The following ENPEP variants were observed in gnomAD, a reference collection of about 807,000 sequenced individuals.
ENPEP encodes glutamyl aminopeptidase, also known as AP-A.
A neutral mutation model predicts 114.5 loss-of-function variants in ENPEP; 103 were observed. The observed-to-expected ratio is 0.90, with a 90% confidence interval of 0.77 to 1.06. ENPEP has a LOEUF of 1.06. ENPEP is among the 50% of genes least tolerant of loss of function. The pLI, the probability that ENPEP is intolerant of heterozygous loss-of-function variation, is 0.00. For missense variants in ENPEP, 1,196 were observed against 1,161.3 expected (o/e 1.03, Z -0.43); for synonymous variants, 420 against 422.0 (o/e 1.00, Z 0.06).
chr4:110,559,628 A>T lies in ENPEP; in HGVS notation c.2643-19A>T. 1 of 1,557,486 alleles carries T rather than the reference A, an allele frequency of 6.4e-7. No homozygotes were observed. The highest frequency in any genetic ancestry group is 8.8e-7 in the Non-Finnish European group (1 of 1,130,214). On this transcript the variant is annotated intron_variant, in intron 18 of 19. Coordinates refer to ENST00000265162, the MANE Select transcript of ENPEP (RefSeq NM_001977.4). ...ATTCTGAGCACTTACACTTCCTTTT[A>T]CTCTAAATTTCTCTCCAGATATACA... is the stretch of plus-strand genomic sequence containing the variant.
intron 3 of ENPEP, among the ~76,000 whole-genome samples, chr4:110,499,171 A>G (rs1725059775): frequency 6.6e-6 from 1 of 152,248 alleles, no homozygotes; most frequent in South Asian, 2.1e-4. Flanking sequence ...GGAAGTACGC[A>G]CACAGAAAAT....
chr4:110,483,520 G>A (rs1222312043), intron 1 of ENPEP, among the ~76,000 whole-genome samples: 1 of 151,648 alleles, frequency 6.6e-6, no homozygotes, highest in African/African-American at 2.4e-5. Flanking sequence ...TTGTGCCATC[G>A]CCCCTTCTCC....
At chr4:110,482,069 T>G (rs1724329847) in intron 1 of ENPEP, among the ~76,000 whole-genome samples, 2 of 152,152 alleles carry the variant, frequency 1.3e-5, no homozygotes, top group South Asian at 4.1e-4. Context: ...AAAATAGCCA[T>G]GATAGGCATT....
intron 2 of ENPEP, among the ~76,000 whole-genome samples, chr4:110,490,444 G>A (rs1043814740): frequency 6.6e-6 from 1 of 152,226 alleles, no homozygotes; most frequent in Admixed American, 6.5e-5. Context: ...TGAAGTGTTA[G>A]GATTGGTGAT....
intron 10 of ENPEP, among the ~76,000 whole-genome samples, chr4:110,523,052 G>A (rs1186487343): frequency 2.0e-5 from 3 of 152,188 alleles, no homozygotes; most frequent in Non-Finnish European, 4.4e-5. Flanking sequence ...TGTAAGGGCA[G>A]GATGACTGGA....
chr4:110,537,341 C>CT (rs1401897113), intron 11 of ENPEP, among the ~76,000 whole-genome samples: 20 of 152,260 alleles, frequency 1.3e-4, no homozygotes, highest in African/African-American at 4.8e-4. Context: ...ATTTTTAATC[C>CT]TTTTTTGTCA....
At chr4:110,477,780 T>C (rs1484872004) in intron 1 of ENPEP, among the ~76,000 whole-genome samples, 3 of 152,222 alleles carry the variant, frequency 2.0e-5, no homozygotes, top group Non-Finnish European at 4.4e-5. Flanking sequence ...ACATAAAAGA[T>C]ATATTAAGTA....
intron 10 of ENPEP, among the ~76,000 whole-genome samples, chr4:110,526,687 T>A (rs765213990): frequency 2.6e-5 from 4 of 152,062 alleles, no homozygotes; most frequent in Non-Finnish European, 5.9e-5. Flanking sequence ...TTTTCAAAGC[T>A]CTCCTCTTGC....
chr4:110,485,220 C>T lies in ENPEP; in HGVS notation c.645-3321C>T, dbSNP rs796556540. On this transcript the variant is annotated intron_variant, in intron 1 of 19. Coordinates refer to ENST00000265162, the MANE Select transcript of ENPEP (RefSeq NM_001977.4). ...TGTTTAGAAACTTCAATTGACTAAA[C>T]TGTTAATGTCACAAAACTAATCAAT... Among the ~76,000 whole-genome samples, 20 of 152,292 alleles carry T rather than the reference C, an allele frequency of 1.3e-4. 1 individual carries two copies. The highest frequency in any genetic ancestry group is 5.9e-4 in the Admixed American group (9 of 15,308).
At chr4:110,521,897 G>A (rs80137904) in intron 10 of ENPEP, among the ~76,000 whole-genome samples, 2 of 143,256 alleles carry the variant, frequency 1.4e-5, no homozygotes, top group East Asian at 2.0e-4. Context: ...TTTTTTTTTC[G>A]AGACAGAGTC....
intron 1 of ENPEP, among the ~76,000 whole-genome samples, chr4:110,486,402 G>A (rs1422105092): frequency 6.6e-5 from 10 of 152,246 alleles, no homozygotes; most frequent in Middle Eastern, 3.4e-3. Flanking sequence ...GCTCCAGTCC[G>A]TCTGGTTCAG....
chr4:110,498,486 A>C (rs898184202), intron 3 of ENPEP, among the ~76,000 whole-genome samples: 6 of 152,146 alleles, frequency 3.9e-5, no homozygotes, highest in African/African-American at 1.2e-4. Context: ...ATAATAGAGG[A>C]GGTGTTATTA....
At chr4:110,481,091 T>G (rs1724296525) in intron 1 of ENPEP, among the ~76,000 whole-genome samples, 1 of 152,226 alleles carries the variant, frequency 6.6e-6, no homozygotes, top group Non-Finnish European at 1.5e-5. Flanking sequence ...TACTTAGCAC[T>G]TCCCAAAGTA....
At chr4:110,534,748 A>T (rs1726549413) in intron 11 of ENPEP, among the ~76,000 whole-genome samples, 1 of 151,426 alleles carries the variant, frequency 6.6e-6, no homozygotes, top group Admixed American at 6.6e-5. Context: ...ACCTCAGGTG[A>T]TCTACCTGCC....
At chr4:110,491,350 C>T (rs535531063) in intron 3 of ENPEP, among the ~76,000 whole-genome samples, 186 bp downstream of exon 3, 34 of 150,394 alleles carry the variant, frequency 2.3e-4, no homozygotes, top group African/African-American at 8.3e-4. Context: ...AAAAAATAAA[C>T]CAACACAACA....
intron 7 of ENPEP, among the ~76,000 whole-genome samples, chr4:110,514,040 A>AT (rs1022405346): frequency 1.3e-5 from 2 of 151,970 alleles, no homozygotes; most frequent in African/African-American, 4.8e-5. Flanking sequence ...GTAGGTGAGG[A>AT]TTTTTTCTTC....
intron 8 of ENPEP, among the ~76,000 whole-genome samples, chr4:110,517,164 T>G (rs1032769747): frequency 6.6e-6 from 1 of 152,064 alleles, no homozygotes; most frequent in African/African-American, 2.4e-5. Flanking sequence ...GGTCTTGAAC[T>G]TGTGAGCTCA....
rs185794223 is a variant in ENPEP, at chr4:110,509,510, G to A, written c.1040-143G>A. ...TGAGTGCATTAGGACTGAAATGTTCGCACACATGATTACAGTTCTTTACTC... is the reference window on the plus strand; with the variant it reads ...TGAGTGCATTAGGACTGAAATGTTCACACACATGATTACAGTTCTTTACTC... On this transcript the variant is annotated intron_variant, in intron 4 of 19. Coordinates refer to ENST00000265162, the MANE Select transcript of ENPEP (RefSeq NM_001977.4). 2.8e-4 allele frequency: 291 copies of A among 1,050,378 alleles called. 1 individual carries two copies. In the East Asian group the frequency reaches 2.8e-3, roughly 10 times the overall value. The allele number at this position is 1,050,378 out of a possible 1,614,324, so 65.1% of individuals were successfully genotyped here. A position where few individuals can be genotyped will look rare whatever the true frequency, so the allele number is the denominator to read the frequency against.
intron 6 of ENPEP, among the ~76,000 whole-genome samples, chr4:110,511,144 C>T (rs1212378116): frequency 1.3e-5 from 2 of 152,086 alleles, no homozygotes; most frequent in African/African-American, 4.8e-5. Flanking sequence ...TAAAATACTG[C>T]CCTCTACTGG....
Sources: gnomAD v4.1 joint callset for allele counts (sites outside exome capture counted in the v4.1 genomes callset) on GRCh38, gnomAD v4.1.1 for gene constraint, MANE v1.5 for transcripts, NCBI Gene and HGNC (gene_info 2026-07-23, HGNC 2026-07-21) for gene names.